Variants in IL1RAP observed in about 807,000 individuals in gnomAD.
IL1RAP encodes the protein interleukin-1 receptor accessory protein.
A neutral mutation model predicts 60.7 loss-of-function variants in IL1RAP; 35 were observed. The observed-to-expected ratio is 0.58, with a 90% CI of 0.44 to 0.76. The LOEUF (loss-of-function observed/expected upper bound fraction) is 0.76. IL1RAP is among the 30% of genes least tolerant of loss of function. The pLI is 0.00. For synonymous variants in IL1RAP, 268 were observed against 250.9 expected, an observed-to-expected ratio of 1.07 and a Z score of -0.64; for missense variants, 572 against 693.9, an observed-to-expected ratio of 0.82 and a Z score of 1.97.
intron 11 of IL1RAP, among the ~76,000 whole-genome samples, chr3:190,646,980 G>T (rs189652401): frequency 5.3e-5 from 8 of 151,942 alleles, no homozygotes; most frequent in African/African-American, 1.5e-4. Flanking sequence ...TTATTTGTTC[G>T]TACAGCCATT....
intron 5 of IL1RAP, among the ~76,000 whole-genome samples, chr3:190,612,929 T>G (rs1300113595): frequency 6.6e-6 from 1 of 152,090 alleles, no homozygotes; most frequent in African/African-American, 2.4e-5. Flanking sequence ...TAGCTGAAGA[T>G]TAACTGTGAT....
intron 3 of IL1RAP, among the ~76,000 whole-genome samples, chr3:190,603,542 G>T (rs909525238): frequency 6.6e-6 from 1 of 152,158 alleles, no homozygotes; most frequent in South Asian, 2.1e-4. Context: ...CACAGAAAAA[G>T]AATGTAAATG....
At chr3:190,589,514 G>T (rs1022967739) in intron 3 of IL1RAP, among the ~76,000 whole-genome samples, 2 of 152,184 alleles carry the variant, frequency 1.3e-5, no homozygotes, top group South Asian at 4.1e-4. Context: ...GTTAAACACA[G>T]TGGCAGGATT....
intron 9 of IL1RAP, chr3:190,629,736 C>G (rs767968638): frequency 1.7e-6 from 2 of 1,209,308 alleles, no homozygotes. Flanking sequence ...AAAAAATCGA[C>G]GTGAGTACAG....
intron 9 of IL1RAP, among the ~76,000 whole-genome samples, chr3:190,630,694 T>G (rs1732713454): frequency 6.6e-6 from 1 of 152,196 alleles, no homozygotes; most frequent in Non-Finnish European, 1.5e-5. Context: ...CTGAAGTACA[T>G]GATGTAAGGC....
chr3:190,584,833 T>C (rs980283513), intron 3 of IL1RAP, among the ~76,000 whole-genome samples: 1 of 152,326 alleles, frequency 6.6e-6, no homozygotes, highest in East Asian at 1.9e-4. Context: ...CCCAGGCCCA[T>C]CACTGGATCT....
At chr3:190,555,328 C>T (rs1725319567) in intron 1 of IL1RAP, among the ~76,000 whole-genome samples, 1 of 152,140 alleles carries the variant, frequency 6.6e-6, no homozygotes, top group Non-Finnish European at 1.5e-5. Context: ...CTTCTCTACT[C>T]CCTACTCTCA....
At chr3:190,534,812 C>T (rs539001577) in intron 1 of IL1RAP, among the ~76,000 whole-genome samples, 20 of 151,630 alleles carry the variant, frequency 1.3e-4, no homozygotes, top group African/African-American at 4.9e-4. Flanking sequence ...CTCCCTGGGC[C>T]TTTACTTCCC....
At position 190,627,309 on chromosome 3, in the gene IL1RAP, G is replaced by GTT; in HGVS notation, c.776-5_776-4dup. ...GTTTTTTGTTTTTTTTGTTTTTTTG[G>GTT]TTTTTTTTTTCAGGAGAGGAGCTAC... On this transcript the variant is annotated splice_polypyrimidine_tract_variant and intron_variant, in intron 7 of 11. Transcript: ENST00000447382. 7.4e-6 allele frequency: 10 copies of GTT among 1,346,962 alleles called. No individual in the cohort carries two copies. Among genetic ancestry groups the GTT allele is most frequent in the Admixed American group, 5.0e-5 (2 of 40,372 alleles). The allele number at this position is 1,346,962 out of a possible 1,614,324, so 83.4% of individuals were successfully genotyped here.
chr3:190,651,034 A>C lies in IL1RAP; in HGVS notation c.*2329A>C. On this transcript the variant is annotated 3_prime_UTR_variant, in exon 12 of 12. Transcript: ENST00000447382. The stretch of plus-strand genomic sequence containing the variant: ...CTGTAATATAAAGCATATCAAGTTT[A>C]TGTGATACGTATCATTGCAAGAGAA... 1 of 984,494 alleles carries C rather than the reference A, an allele frequency of 1.0e-6. No homozygotes were observed. Among genetic ancestry groups the C allele is most frequent in the Non-Finnish European group, 1.2e-6 (1 of 829,096 alleles). 61.0% of individuals were successfully genotyped at this position (984,494 alleles called of 1,614,324 possible).
At chr3:190,640,313 A>G (rs1417758454) in intron 9 of IL1RAP, among the ~76,000 whole-genome samples, 1 of 152,120 alleles carries the variant, frequency 6.6e-6, no homozygotes, top group Non-Finnish European at 1.5e-5. Context: ...AACTTTTTAC[A>G]AACTGTATTT....
chr3:190,519,486 T>C (rs533006646), intron 1 of IL1RAP, among the ~76,000 whole-genome samples: 52 of 152,254 alleles, frequency 3.4e-4, no homozygotes, highest in Non-Finnish European at 5.7e-4. Flanking sequence ...TTAGTAAAGA[T>C]TGGAACCTGC....
At chr3:190,573,696 A>G (rs1224517445) in intron 3 of IL1RAP, among the ~76,000 whole-genome samples, 1 of 152,212 alleles carries the variant, frequency 6.6e-6, no homozygotes, top group African/African-American at 2.4e-5. Context: ...GATGACTACA[A>G]TAATAGCCAT....
At chr3:190,640,261 T>G (rs1257662141) in intron 9 of IL1RAP, among the ~76,000 whole-genome samples, 1 of 152,202 alleles carries the variant, frequency 6.6e-6, no homozygotes, top group Admixed American at 6.5e-5. Context: ...CTCTTTTTTG[T>G]CTTTTCTCTC....
intron 10 of IL1RAP, among the ~76,000 whole-genome samples, chr3:190,644,789 C>T (rs1469250739): frequency 2.6e-5 from 4 of 152,118 alleles, no homozygotes; most frequent in Admixed American, 2.6e-4. Flanking sequence ...TTAGTGTTTT[C>T]TTTGGTACTA....
At chr3:190,514,754 C>T (rs1239310878) in intron 1 of IL1RAP, among the ~76,000 whole-genome samples, 1 of 152,202 alleles carries the variant, frequency 6.6e-6, no homozygotes, top group East Asian at 1.9e-4. Context: ...GGTGTCGGAC[C>T]AGCTTCTGGA....
chr3:190,615,575 G>A (rs1731197018), intron 5 of IL1RAP, among the ~76,000 whole-genome samples: 1 of 152,122 alleles, frequency 6.6e-6, no homozygotes, highest in Admixed American at 6.5e-5. Flanking sequence ...ATTTATGACA[G>A]CTGCTGAACT....
intron 10 of IL1RAP, 72 bp from the exon 11 acceptor site, chr3:190,645,627 T>C (rs1733961454): frequency 1.6e-6 from 2 of 1,260,124 alleles, no homozygotes; most frequent in Non-Finnish European, 2.2e-6. Flanking sequence ...ATGCAGAAGT[T>C]AGATTTAAGA....
At chr3:190,643,822 A>G (rs1733823152) in intron 9 of IL1RAP, among the ~76,000 whole-genome samples, 1 of 152,234 alleles carries the variant, frequency 6.6e-6, no homozygotes, top group Non-Finnish European at 1.5e-5. Context: ...TGCATCAACA[A>G]TTAAAATTCT....
Sources: allele counts gnomAD v4.1 joint callset (sites outside exome capture counted in the v4.1 genomes callset), GRCh38; gene constraint gnomAD v4.1.1; transcripts MANE v1.5; gene names NCBI Gene and HGNC (gene_info 2026-07-23, HGNC 2026-07-21).